The following CNOT4 variants were observed in gnomAD, a reference collection of about 807,000 sequenced individuals.
CNOT4 encodes the protein CCR4-associated factor 4.
Under a neutral mutation model 73.8 loss-of-function variants are expected in CNOT4, and 8 were observed. That is an observed-to-expected ratio of 0.11 (90% confidence interval 0.06 to 0.20). CNOT4 has a LOEUF of 0.20. Ranked by LOEUF, CNOT4 falls within the 10% of genes least tolerant of loss-of-function variation. CNOT4 has a pLI of 1.00. For missense variants in CNOT4, 564 were observed against 883.4 expected, an observed-to-expected ratio of 0.64 and a Z score of 4.58; for synonymous variants, 293 against 321.1, an observed-to-expected ratio of 0.91 and a Z score of 0.94.
At chr7:135,496,685 G>A (rs1803608870) in intron 1 of CNOT4, among the ~76,000 whole-genome samples, 1 of 151,254 alleles carries the variant, frequency 6.6e-6, no homozygotes, top group Admixed American at 6.6e-5. Flanking sequence ...CTCTTCCTTT[G>A]GATTCTGAGC....
chr7:135,379,107 T>C (rs1795693095), intron 10 of CNOT4, among the ~76,000 whole-genome samples: 2 of 152,056 alleles, frequency 1.3e-5, no homozygotes, highest in African/African-American at 4.8e-5. Context: ...CTGTTAATTG[T>C]GGTAAATTAC....
At chr7:135,466,860 G>A (rs1028509364) in intron 1 of CNOT4, among the ~76,000 whole-genome samples, 2 of 152,156 alleles carry the variant, frequency 1.3e-5, no homozygotes, top group Admixed American at 1.3e-4. Context: ...TAGGAGCATA[G>A]ACTATACCAA....
At position 135,364,052 on chromosome 7, in the gene CNOT4, C is replaced by G. The variant is rs3812265; in HGVS notation, c.1642G>C (p.Val548Leu). The G allele has an allele frequency of 6.3e-7, 1 of 1,595,186 alleles. No homozygotes were observed. The highest frequency in any genetic ancestry group is 1.1e-5 in the South Asian group (1 of 90,744). Residue 548 changes from valine to leucine, a missense_variant, in exon 11 of 12, where the codon GTA (valine) becomes CTA (leucine). Around this residue, in one of 10 missense-constraint regions of CNOT4, gnomAD observed 153 missense variants for 158.7 expected, o/e 0.96. Coordinates refer to ENST00000541284, the MANE Select transcript of CNOT4 (RefSeq NM_001190850.2). This position sits in a 1 kb window ranked among gnomAD's most constrained non-coding sequence, Gnocchi z 4.3. The part of the protein sequence containing the change: ...GIPVADNSSS[V>L]ESLNMKEWQD... ...CATTCCTTCATATTTAAACTCTCTA[C>G]AGAACTGCTGTTGTCTGGGAGATTT...
At chr7:135,398,411 A>G (rs1255469476) in intron 7 of CNOT4, among the ~76,000 whole-genome samples, 185 bp from the exon 8 acceptor site, 1 of 152,092 alleles carries the variant, frequency 6.6e-6, no homozygotes, top group Non-Finnish European at 1.5e-5. Context: ...AGCATCCCAA[A>G]TCAGAAAATC....
At chr7:135,413,835 C>A (rs1797707112) in intron 5 of CNOT4, among the ~76,000 whole-genome samples, 2 of 151,932 alleles carry the variant, frequency 1.3e-5, no homozygotes, top group South Asian at 4.1e-4. Flanking sequence ...TCTATGGTTT[C>A]CAAAACTTGG....
At chr7:135,491,059 G>T (rs541171525) in intron 1 of CNOT4, among the ~76,000 whole-genome samples, 12 of 152,338 alleles carry the variant, frequency 7.9e-5, no homozygotes, top group Non-Finnish European at 1.2e-4. Flanking sequence ...CTGGAAAGCT[G>T]CCAAGAACTG....
intron 1 of CNOT4, among the ~76,000 whole-genome samples, chr7:135,466,835 T>C (rs370900543): frequency 1.7e-4 from 26 of 152,312 alleles, no homozygotes; most frequent in Non-Finnish European, 2.9e-4. Context: ...CAACATACCA[T>C]ACAGGTTTGT....
chr7:135,449,798 C>T (rs938772925), intron 1 of CNOT4, among the ~76,000 whole-genome samples: 3 of 149,516 alleles, frequency 2.0e-5, no homozygotes, highest in Admixed American at 1.3e-4. Context: ...GGAATTACTG[C>T]TAATTTAGTT....
At chr7:135,479,333 C>T (rs139662926) in intron 1 of CNOT4, among the ~76,000 whole-genome samples, 2 of 150,120 alleles carry the variant, frequency 1.3e-5, no homozygotes, top group African/African-American at 2.5e-5. Context: ...ATCAGCCTCC[C>T]GAGTAGCTGG....
chr7:135,379,036 G>C (rs907109855), intron 10 of CNOT4, among the ~76,000 whole-genome samples: 16 of 151,118 alleles, frequency 1.1e-4, no homozygotes, highest in African/African-American at 3.9e-4. Flanking sequence ...ATTCAAGCCT[G>C]TCAGGAATCC....
intron 3 of CNOT4, among the ~76,000 whole-genome samples, chr7:135,416,617 C>T (rs1797887273): frequency 1.3e-5 from 2 of 152,152 alleles, no homozygotes; most frequent in South Asian, 2.1e-4. Flanking sequence ...TTCAATATTC[C>T]AGCTGGATGC....
At chr7:135,387,489 T>C (rs534879072) in intron 10 of CNOT4, 1 of 972,238 alleles carries the variant, frequency 1.0e-6, no homozygotes, top group South Asian at 4.8e-5. Flanking sequence ...CCTAATAACA[T>C]GTTCTATTAT....
chr7:135,426,770 A>G (rs1798528886), intron 2 of CNOT4, among the ~76,000 whole-genome samples: 1 of 151,972 alleles, frequency 6.6e-6, no homozygotes, highest in South Asian at 2.1e-4. Context: ...TAAAAATACA[A>G]AAATGAGCCA....
chr7:135,392,300 C>T (rs1039011784), intron 10 of CNOT4, among the ~76,000 whole-genome samples: 2 of 152,086 alleles, frequency 1.3e-5, no homozygotes, highest in African/African-American at 4.8e-5. Context: ...ATATCTTAAA[C>T]TTCTTTAATA....
Position 135,473,685 on chromosome 7 carries a change from C to T in CNOT4, c.-92-35262G>A, listed in dbSNP as rs190492768. Among the ~76,000 whole-genome samples the T allele has an allele frequency of 2.0e-5, 3 of 151,900 alleles. No homozygotes were observed. The East Asian group carries it at 5.8e-4, about 29-fold the overall frequency. ...TGGCTTGAGGCCAGGAGAAGGAGGC[C>T]GCAGTGAGCCGAGATCATGCCACTG... On this transcript the variant is annotated intron_variant, in intron 1 of 11. Transcript: ENST00000541284.
rs992173303 is a variant in CNOT4 at position 135,477,271 on chromosome 7, A to G, written c.-93+32618T>C. Among the ~76,000 whole-genome samples, 16 of 152,096 alleles carry G rather than the reference A, an allele frequency of 1.1e-4. No homozygotes were observed. In the South Asian group the frequency reaches 3.3e-3, roughly 32 times the overall value. On this transcript the variant is annotated intron_variant, in intron 1 of 11. Coordinates refer to ENST00000541284, the MANE Select transcript of CNOT4 (RefSeq NM_001190850.2). Reference sequence around the variant, plus strand: ...GGCAGGAGAATCACCTCAACCTGGGAGGCAGAGGTTGCAGTGAGCTGGGAT... The same window carrying G: ...GGCAGGAGAATCACCTCAACCTGGGGGGCAGAGGTTGCAGTGAGCTGGGAT...
chr7:135,418,421 A>G (rs1797992829), intron 3 of CNOT4, among the ~76,000 whole-genome samples: 1 of 152,226 alleles, frequency 6.6e-6, no homozygotes, highest in Non-Finnish European at 1.5e-5. Flanking sequence ...CATGTGACAG[A>G]ATTATAAATG....
intron 1 of CNOT4, among the ~76,000 whole-genome samples, chr7:135,461,552 C>A (rs1003770175): frequency 5.3e-5 from 8 of 152,058 alleles, no homozygotes; most frequent in Admixed American, 2.0e-4. Context: ...CAAGCAGAGG[C>A]CGGGCGCAGT....
At chr7:135,475,941 G>C (rs1407044327) in intron 1 of CNOT4, among the ~76,000 whole-genome samples, 2 of 151,596 alleles carry the variant, frequency 1.3e-5, no homozygotes, top group Non-Finnish European at 2.9e-5. Flanking sequence ...AAAAATGAGG[G>C]AAAAAAGTCT....
Sources: gnomAD v4.1 joint callset for allele counts (sites outside exome capture counted in the v4.1 genomes callset) on GRCh38, gnomAD v4.1.1 for gene constraint, gnomAD v4.1.1 regional missense constraint, Gnocchi (gnomAD v3.1) non-coding constraint, MANE v1.5 for transcripts, NCBI Gene and HGNC (gene_info 2026-07-23, HGNC 2026-07-21) for gene names.